Variants in DBF4B observed in about 807,000 individuals in gnomAD.
The protein encoded by DBF4B is DBF4B-CDC7 kinase regulatory subunit.
DBF4B carries 49 observed loss-of-function variants against 53.4 expected under a neutral mutation model. That is an observed-to-expected ratio of 0.92 (90% CI 0.73 to 1.16). DBF4B has a LOEUF of 1.16. DBF4B is among the 50% of genes most tolerant of loss of function. DBF4B has a pLI of 0.00. For missense variants in DBF4B, 692 were observed against 775.0 expected, an observed-to-expected ratio of 0.89 and a Z score of 1.27; for synonymous variants, 257 against 288.7, an observed-to-expected ratio of 0.89 and a Z score of 1.11.
At chr17:44,730,487 T>C (rs1278998467) in intron 4 of DBF4B, among the ~76,000 whole-genome samples, 1 of 152,218 alleles carries the variant, frequency 6.6e-6, no homozygotes, top group African/African-American at 2.4e-5. Flanking sequence ...TGTTATGTCT[T>C]TGATTTAAAA....
chr17:44,733,462 C>T (rs913759110), intron 6 of DBF4B, among the ~76,000 whole-genome samples: 6 of 152,290 alleles, frequency 3.9e-5, no homozygotes, highest in African/African-American at 1.4e-4. Context: ...TGGTTTCATA[C>T]CCAGCTCCAT....
At position 44,728,384 on chromosome 17, in the gene DBF4B, G is replaced by A. The variant is rs1974539682; in HGVS notation, c.226-1521G>A. On this transcript the variant is annotated intron_variant, in intron 3 of 13. Transcript: ENST00000315005. Reference sequence around the variant, plus strand: ...AGGTCCCACCTCCTAATGGCAGGAAGAGCAAAGTCATATTGCAAAGGAGTG... The same window carrying A: ...AGGTCCCACCTCCTAATGGCAGGAAAAGCAAAGTCATATTGCAAAGGAGTG... 5.3e-5 allele frequency among the ~76,000 whole-genome samples: 8 copies of A among 152,164 alleles called. No individual in the cohort carries two copies. The South Asian group carries it at 1.5e-3, about 28-fold the overall frequency.
chr17:44,721,805 T>C (rs929191916), intron 2 of DBF4B, among the ~76,000 whole-genome samples: 1 of 150,854 alleles, frequency 6.6e-6, no homozygotes, highest in Non-Finnish European at 1.5e-5. Context: ...CGTGTGTCCC[T>C]CCGCTGAGTT....
intron 3 of DBF4B, among the ~76,000 whole-genome samples, chr17:44,724,164 G>A (rs1294799821): frequency 6.6e-6 from 1 of 152,068 alleles, no homozygotes; most frequent in Non-Finnish European, 1.5e-5. Flanking sequence ...TTGGGAGGCC[G>A]AGCCAGGTGG....
intron 10 of DBF4B, among the ~76,000 whole-genome samples, chr17:44,743,703 C>T (rs1322125645): frequency 2.0e-5 from 3 of 151,484 alleles, no homozygotes; most frequent in Non-Finnish European, 2.9e-5. Context: ...CTCCGCCTCC[C>T]AGGTTCACGC....
At chr17:44,729,227 G>C (rs1974607742) in intron 3 of DBF4B, among the ~76,000 whole-genome samples, 1 of 145,346 alleles carries the variant, frequency 6.9e-6, no homozygotes, top group South Asian at 2.1e-4. Flanking sequence ...TTTTTTTAGA[G>C]ACAGGATTTC....
chr17:44,722,995 G>A lies in DBF4B; in HGVS notation c.198G>A (p.Leu66=), dbSNP rs1376835532. The A allele has an allele frequency of 1.2e-6, 2 of 1,613,922 alleles. No homozygotes were observed. The highest frequency in any genetic ancestry group is 1.1e-5 in the South Asian group (1 of 91,080). Residue 66 remains leucine (L), a synonymous_variant, in exon 3 of 14, where the codon TTG becomes TTA. Transcript: ENST00000315005. ...DLPAGKNLQF[L]TGAIQQLGGV... ...CTGCTGGCAAGAATCTCCAGTTTTT[G>A]ACGGGGGCCATTCAGCAACTGGGTG...
intron 2 of DBF4B, among the ~76,000 whole-genome samples, chr17:44,710,918 A>G (rs911884112): frequency 3.3e-5 from 5 of 149,942 alleles, no homozygotes; most frequent in South Asian, 2.1e-4. Context: ...AAAATTTACT[A>G]TAAGATGATA....
chr17:44,718,621 C>T (rs1022502773), intron 2 of DBF4B, among the ~76,000 whole-genome samples: 2 of 151,894 alleles, frequency 1.3e-5, no homozygotes, highest in African/African-American at 4.8e-5. Flanking sequence ...GTTATCCCCT[C>T]TCCAGTATGT....
intron 2 of DBF4B, among the ~76,000 whole-genome samples, chr17:44,713,160 C>T (rs1487673349): frequency 6.7e-6 from 1 of 150,000 alleles, no homozygotes; most frequent in East Asian, 2.0e-4. Flanking sequence ...CTGCCTCAGC[C>T]TCTGGAGTCG....
chr17:44,717,419 A>C (rs975236495), intron 2 of DBF4B, among the ~76,000 whole-genome samples: 2 of 152,300 alleles, frequency 1.3e-5, no homozygotes, highest in East Asian at 3.9e-4. Flanking sequence ...CAATTAAAAA[A>C]ATCCAGGCTG....
chr17:44,749,820 C>T lies in DBF4B; in HGVS notation c.1190-775C>T, dbSNP rs544328405. On this transcript the variant is annotated intron_variant, in intron 13 of 13. Transcript: ENST00000315005. The surrounding 1 kb of genome is among the most constrained non-coding windows in gnomAD (Gnocchi z 4.4). Reference sequence around the variant, plus strand: ...TGTTGGTGTGCTCCACCCCCAACCCCGGCCTCCTTTCTCACGAGCATGTGG... The same window carrying T: ...TGTTGGTGTGCTCCACCCCCAACCCTGGCCTCCTTTCTCACGAGCATGTGG... 1.4e-4 allele frequency: 145 copies of T among 1,035,842 alleles called. No homozygotes were observed. The highest frequency in any genetic ancestry group is 6.6e-4 in the East Asian group (8 of 12,038). 64.2% of individuals were successfully genotyped at this position (1,035,842 alleles called of 1,614,324 possible).
At chr17:44,727,458 C>A (rs1190936230) in intron 3 of DBF4B, among the ~76,000 whole-genome samples, 1 of 151,950 alleles carries the variant, frequency 6.6e-6, no homozygotes, top group African/African-American at 2.4e-5. Flanking sequence ...TAGTGCTTGA[C>A]CCAAAAGAGA....
intron 3 of DBF4B, among the ~76,000 whole-genome samples, chr17:44,723,967 C>T (rs754611167): frequency 9.9e-5 from 15 of 151,784 alleles, no homozygotes; most frequent in Admixed American, 2.0e-4. Flanking sequence ...AAAAATTAAG[C>T]GGGTGTGGTG....
intron 2 of DBF4B, among the ~76,000 whole-genome samples, chr17:44,718,197 C>T (rs563248845): frequency 5.3e-5 from 8 of 151,932 alleles, no homozygotes; most frequent in South Asian, 2.1e-4. Context: ...TTTGGGAGGC[C>T]GAGGCGGGCG....
At chr17:44,747,241 C>T (rs1233709056) in intron 11 of DBF4B, 50 bp downstream of exon 11, 1 of 1,603,310 alleles carries the variant, frequency 6.2e-7, no homozygotes, top group African/African-American at 1.3e-5. Flanking sequence ...CCTGAGGGAG[C>T]CTGCTCACTG....
At chr17:44,723,141 C>A in intron 3 of DBF4B, 119 bp downstream of exon 3, 1 of 1,374,926 alleles carries the variant, frequency 7.3e-7, no homozygotes, top group South Asian at 1.5e-5. Context: ...GAGTCTTGCT[C>A]TATAACCCAG....
intron 8 of DBF4B, among the ~76,000 whole-genome samples, chr17:44,737,203 G>A (rs1218883744): frequency 1.3e-5 from 2 of 152,192 alleles, no homozygotes; most frequent in Admixed American, 6.5e-5. Context: ...GGGGTGGGCA[G>A]TTTGACAGCT....
intron 10 of DBF4B, among the ~76,000 whole-genome samples, chr17:44,742,094 A>T (rs957002385): frequency 5.3e-5 from 8 of 149,548 alleles, no homozygotes; most frequent in African/African-American, 7.3e-5. Context: ...TCTACAAAAA[A>T]TAAAAATAAA....
Sources: allele counts gnomAD v4.1 joint callset (sites outside exome capture counted in the v4.1 genomes callset), GRCh38; gene constraint gnomAD v4.1.1; non-coding constraint Gnocchi (gnomAD v3.1); transcripts MANE v1.5; gene names NCBI Gene and HGNC (gene_info 2026-07-23, HGNC 2026-07-21).